FAM20C: variants seen among roughly 807,000 people sequenced by gnomAD.
FAM20C encodes the protein FAM20C golgi associated secretory pathway kinase.
In FAM20C, 40 loss-of-function variants were observed where a neutral mutation model predicts 51.5. The observed-to-expected ratio is 0.78, with a 90% CI of 0.60 to 1.01. The LOEUF (loss-of-function observed/expected upper bound fraction) is 1.01. Ranked by LOEUF, FAM20C falls within the 50% of genes least tolerant of loss-of-function variation. The pLI is 0.00. For missense variants in FAM20C, 861 were observed against 844.7 expected (o/e 1.02, Z -0.24); for synonymous variants, 406 against 380.6 (o/e 1.07, Z -0.78).
chr7:246,263 G>A, intron 3 of FAM20C, 152 bp from the exon 4 acceptor site: 1 of 662,680 alleles, frequency 1.5e-6, no homozygotes, highest in Non-Finnish European at 2.6e-6. Context: ...CGGCAGCTGG[G>A]TGCCCAGGGT....
intron 2 of FAM20C, among the ~76,000 whole-genome samples, chr7:203,079 G>C (rs1445376988): frequency 6.6e-6 from 1 of 152,190 alleles, no homozygotes; most frequent in Non-Finnish European, 1.5e-5. Flanking sequence ...GTGAGTCTCT[G>C]AGACTTGTCC....
At position 192,780 on chromosome 7, in the gene FAM20C, T is replaced by C. The variant is rs1477514036; in HGVS notation, c.-420T>C. 1.5e-5 allele frequency among the ~76,000 whole-genome samples: 2 copies of C among 134,862 alleles called. No individual in the cohort carries two copies. Among genetic ancestry groups the C allele is most frequent in the Non-Finnish European group, 3.2e-5 (2 of 62,810 alleles). 88.5% of individuals were successfully genotyped at this position (134,862 alleles called of 152,430 possible). ...GCCCGGCGCCTGGAGAGGAGCGCGC[T>C]GAGGATCGGGACGCCTGCGGCCGCC... is the stretch of plus-strand genomic sequence containing the variant. On this transcript the variant is annotated 5_prime_UTR_variant, in exon 1 of 10. Transcript: ENST00000313766.
chr7:216,717 G>C (rs1226639778), intron 3 of FAM20C, among the ~76,000 whole-genome samples: 1 of 151,528 alleles, frequency 6.6e-6, no homozygotes, highest in African/African-American at 2.4e-5. Flanking sequence ...GTGTGTGTGT[G>C]TGTGTGTGTC....
intron 3 of FAM20C, among the ~76,000 whole-genome samples, chr7:212,512 C>T (rs28706381): frequency 0.37 from 56,732 of 152,038 alleles, 10,899 homozygotes; most frequent in South Asian, 0.52. Flanking sequence ...GCGCTCATCA[C>T]GGCTCGGTGA....
chr7:257,867 T>TGCCC (rs1562401032), intron 8 of FAM20C, among the ~76,000 whole-genome samples: 1 of 31,196 alleles, frequency 3.2e-5, no homozygotes, highest in African/African-American at 1.6e-4. Context: ...GTGCTGGAGA[T>TGCCC]GGGGCTGGGT....
At chr7:212,227 C>T (rs1226247285) in intron 3 of FAM20C, among the ~76,000 whole-genome samples, 1 of 152,246 alleles carries the variant, frequency 6.6e-6, no homozygotes, top group Admixed American at 6.5e-5. Flanking sequence ...CTTCGGGAGG[C>T]CGAGGCTGGC....
intron 3 of FAM20C, among the ~76,000 whole-genome samples, chr7:220,336 C>T (rs1472997297): frequency 6.6e-6 from 1 of 152,202 alleles, no homozygotes; most frequent in South Asian, 2.1e-4. Flanking sequence ...GCTGGGCCCA[C>T]CCACTGGGCG....
Position 208,877 on chromosome 7 carries a change from T to C in FAM20C, c.785-21T>C, listed in dbSNP as rs973691873. 2.6e-6 allele frequency: 4 copies of C among 1,557,560 alleles called. 1 individual carries two copies. Among genetic ancestry groups the C allele is most frequent in the Non-Finnish European group, 3.5e-6 (4 of 1,150,454 alleles). On this transcript the variant is annotated intron_variant, in intron 2 of 9. Transcript: ENST00000313766. Reference sequence around the variant, plus strand: ...GCGTGAGGCCAGAGAGTGACCCTGTTTCTCTCCCTCCTTCCTGCAGCCATG... The same window carrying C: ...GCGTGAGGCCAGAGAGTGACCCTGTCTCTCTCCCTCCTTCCTGCAGCCATG...
chr7:203,499 A>T (rs1365931875), intron 2 of FAM20C, among the ~76,000 whole-genome samples: 1 of 152,162 alleles, frequency 6.6e-6, no homozygotes. Context: ...ACCCATCCCG[A>T]TGAGCACCGA....
intron 3 of FAM20C, among the ~76,000 whole-genome samples, chr7:224,197 GTC>G (rs1787372310): frequency 7.6e-6 from 1 of 132,286 alleles, no homozygotes. Context: ...CCGTCACGGG[GTC>G]GCACGGCGGC....
At chr7:203,647 C>T (rs1270303979) in intron 2 of FAM20C, among the ~76,000 whole-genome samples, 2 of 152,218 alleles carry the variant, frequency 1.3e-5, no homozygotes, top group African/African-American at 2.4e-5. Context: ...CACAGGAAGC[C>T]GAGTCCTCAG....
chr7:210,412 A>G (rs1354043118), intron 3 of FAM20C, among the ~76,000 whole-genome samples: 1 of 152,056 alleles, frequency 6.6e-6, no homozygotes, highest in East Asian at 1.9e-4. Context: ...TCCTTTCAGG[A>G]TGCTGTGGTG....
intron 3 of FAM20C, among the ~76,000 whole-genome samples, chr7:237,103 G>A (rs1212934961): frequency 6.6e-6 from 1 of 152,240 alleles, no homozygotes; most frequent in Non-Finnish European, 1.5e-5. Context: ...CCCAGAACAG[G>A]CTGCCTCGGG....
rs189368125 is a variant in FAM20C, at chr7:223,227, G to A, written c.863+14251G>A. On this transcript the variant is annotated intron_variant, in intron 3 of 9. Transcript: ENST00000313766. ...TCTGTCCAAAGCCTGAAGTGTGGGCGTGTACAGCTGTCCCAGCCTCACAGG... is the reference window on the plus strand; with the variant it reads ...TCTGTCCAAAGCCTGAAGTGTGGGCATGTACAGCTGTCCCAGCCTCACAGG... 8.4e-3 allele frequency among the ~76,000 whole-genome samples: 1,280 copies of A among 152,272 alleles called. 12 individuals are homozygous for A. The highest frequency in any genetic ancestry group is 0.011 in the Non-Finnish European group (774 of 68,008).
chr7:244,887 C>T (rs747362826), intron 3 of FAM20C, among the ~76,000 whole-genome samples: 19 of 152,224 alleles, frequency 1.2e-4, no homozygotes, highest in Non-Finnish European at 2.9e-5. Flanking sequence ...TGGTACACAT[C>T]TTTAACCCCC....
chr7:259,813 CG>C lies in FAM20C; in HGVS notation c.1594del (p.Asp532ThrfsTer23). ...KLSLLMAESL[R>X]GDQVAPVLYQ... is the part of the protein sequence containing the mutation. Reference sequence around the variant, plus strand: ...GAGCCTGCTGATGGCCGAGTCTCTGCGGGGGGACCAGGTGGCACCCGTGCTG... The same window carrying C: ...GAGCCTGCTGATGGCCGAGTCTCTGCGGGGGACCAGGTGGCACCCGTGCTG... On this transcript the variant is annotated frameshift_variant, in exon 10 of 10. Coordinates refer to ENST00000313766, the MANE Select transcript of FAM20C (RefSeq NM_020223.4). LOFTEE classifies it low-confidence loss of function (END_TRUNC). 1 of 1,536,452 alleles carries C rather than the reference CG, an allele frequency of 6.5e-7. No individual in the cohort carries two copies. The highest frequency in any genetic ancestry group is 8.7e-7 in the Non-Finnish European group (1 of 1,146,874).
chr7:208,747 TC>T, intron 2 of FAM20C, 150 bp from the exon 3 acceptor site: 1 of 685,790 alleles, frequency 1.5e-6, no homozygotes, highest in East Asian at 2.8e-5. Flanking sequence ...GGCGAGAGCT[TC>T]ACTGCAGAAA....
At chr7:255,758 C>G (rs1788564552) in intron 5 of FAM20C, 91 bp from the exon 6 acceptor site, 40 of 1,412,098 alleles carry the variant, frequency 2.8e-5, no homozygotes, top group Non-Finnish European at 3.8e-5. Flanking sequence ...AAGCACCAGG[C>G]AGAGCCCGGC....
chr7:257,232 T>C lies in FAM20C; in HGVS notation c.1445+146T>C, dbSNP rs897646783. ...CGCAAAGGCCCATCTCAGAGCCAGA[T>C]GCAGAGGGCGGCCCCAGGCCCCAAC... On this transcript the variant is annotated intron_variant, in intron 8 of 9. Transcript: ENST00000313766. The C allele has an allele frequency of 3.2e-5, 27 of 841,504 alleles. 1 individual carries two copies. The highest frequency in any genetic ancestry group is 2.7e-4 in the Middle Eastern group (1 of 3,730). The allele number at this position is 841,504 out of a possible 1,614,324, so 52.1% of individuals were successfully genotyped here.
Sources: allele counts gnomAD v4.1 joint callset (sites outside exome capture counted in the v4.1 genomes callset), GRCh38; gene constraint gnomAD v4.1.1; transcripts MANE v1.5; gene names NCBI Gene and HGNC (gene_info 2026-07-23, HGNC 2026-07-21).